The following SLC6A4 variants were observed in gnomAD, a reference collection of about 807,000 sequenced individuals.
SLC6A4 encodes the protein solute carrier family 6 member 4, also known as sodium-dependent serotonin transporter.
SLC6A4 carries 22 observed loss-of-function variants against 73.4 expected under a neutral mutation model. The observed-to-expected ratio is 0.30, with a 90% CI of 0.21 to 0.43. The LOEUF is 0.43. Among genes scored for constraint, SLC6A4 ranks in the 20% least tolerant of loss-of-function variants. SLC6A4 has a pLI of 1.00. For missense variants in SLC6A4, 593 were observed against 808.5 expected, an observed-to-expected ratio of 0.73 and a Z score of 3.23; for synonymous variants, 270 against 315.5, an observed-to-expected ratio of 0.86 and a Z score of 1.53.
intron 12 of SLC6A4, among the ~76,000 whole-genome samples, chr17:30,208,921 C>T (rs56124265): frequency 0.025 from 3,720 of 150,704 alleles, 68 homozygotes; most frequent in Non-Finnish European, 0.041. Flanking sequence ...AGGCTGGTCT[C>T]GAACTCCTGA....
intron 1 of SLC6A4, among the ~76,000 whole-genome samples, chr17:30,226,022 T>C (rs992458085): frequency 4.6e-5 from 7 of 152,226 alleles, no homozygotes; most frequent in African/African-American, 1.4e-4. Flanking sequence ...TGGAAATGCC[T>C]GTGACGCTCC....
At chr17:30,212,614 A>G in intron 9 of SLC6A4, 126 bp downstream of exon 9, 1 of 1,121,338 alleles carries the variant, frequency 8.9e-7, no homozygotes. Context: ...GAACTCCACC[A>G]TGCCCAGCCT....
At chr17:30,222,734 G>A in intron 2 of SLC6A4, 85 bp downstream of exon 2, 1 of 1,175,752 alleles carries the variant, frequency 8.5e-7, no homozygotes, top group Non-Finnish European at 1.1e-6. Context: ...CTCCGGCTGT[G>A]TCCAGTCTAT....
chr17:30,218,963 G>T (rs1906666578), intron 3 of SLC6A4, 32 bp from the exon 4 acceptor site: 8 of 1,612,462 alleles, frequency 5.0e-6, no homozygotes, highest in Non-Finnish European at 6.8e-6. Context: ...TTCACTCCCT[G>T]CCCACGTCTG....
intron 6 of SLC6A4, 42 bp from the exon 7 acceptor site, chr17:30,216,258 GGA>G: frequency 1.1e-6 from 1 of 881,280 alleles, no homozygotes; most frequent in South Asian, 2.1e-5. Context: ...TCCAGGGAGG[GGA>G]GGGGAGGGGA....
At chr17:30,220,485 G>C (rs1015503045) in intron 3 of SLC6A4, among the ~76,000 whole-genome samples, 1 of 152,194 alleles carries the variant, frequency 6.6e-6, no homozygotes, top group Non-Finnish European at 1.5e-5. Context: ...AGGGCCTCTG[G>C]CCTCAAAAAT....
chr17:30,221,413 G>A (rs913964149), intron 3 of SLC6A4, among the ~76,000 whole-genome samples: 5 of 120,976 alleles, frequency 4.1e-5, no homozygotes, highest in Non-Finnish European at 9.4e-5. Flanking sequence ...CAGCCCACCC[G>A]GGTCACAGCC....
At chr17:30,204,910 G>T (rs963404355) in intron 13 of SLC6A4, among the ~76,000 whole-genome samples, 1 of 152,160 alleles carries the variant, frequency 6.6e-6, no homozygotes, top group Non-Finnish European at 1.5e-5. Flanking sequence ...TGTGCATCAA[G>T]AGTGTACCCA....
chr17:30,209,432 G>A (rs972090338), intron 11 of SLC6A4, among the ~76,000 whole-genome samples, 190 bp from the exon 12 acceptor site: 31 of 152,178 alleles, frequency 2.0e-4, no homozygotes, highest in Non-Finnish European at 3.2e-4. Flanking sequence ...AGCACTTTGG[G>A]AGGCTGAGGC....
rs1288916493 is a variant in SLC6A4, at chr17:30,197,095, AT to A, written c.*1360del. ...CTCAAAATTCTGATAAGGAATTCCC[AT>A]GCTGCAAATATTAATTTGCTCCTCT... On this transcript the variant is annotated 3_prime_UTR_variant, in exon 15 of 15. Coordinates refer to ENST00000650711, the MANE Select transcript of SLC6A4 (RefSeq NM_001045.6). The A allele has an allele frequency of 6.6e-6, 1 of 152,382 alleles. No individual in the cohort carries two copies. Among genetic ancestry groups the A allele is most frequent in the Non-Finnish European group, 1.5e-5 (1 of 68,050 alleles). 9.4% of individuals were successfully genotyped at this position (152,382 alleles called of 1,614,324 possible).
chr17:30,196,543 A>G lies in SLC6A4; in HGVS notation c.*1913T>C, dbSNP rs961236447. The G allele has an allele frequency of 6.6e-6, 1 of 152,496 alleles. No homozygotes were observed. Among genetic ancestry groups the G allele is most frequent in the African/African-American group, 2.4e-5 (1 of 41,578 alleles). The allele number at this position is 152,496 out of a possible 1,614,324, so 9.4% of individuals were successfully genotyped here. A position where few individuals can be genotyped will look rare whatever the true frequency, so the allele number is the denominator to read the frequency against. ...AATCCATATCCGAATATCTTCATAAAGCAAGTTCTTAAAATTTGCAAAGCT... is the reference window on the plus strand; with the variant it reads ...AATCCATATCCGAATATCTTCATAAGGCAAGTTCTTAAAATTTGCAAAGCT... On this transcript the variant is annotated 3_prime_UTR_variant, in exon 15 of 15. Transcript: ENST00000650711.
At chr17:30,212,270 A>G (rs1245065059) in intron 9 of SLC6A4, among the ~76,000 whole-genome samples, 1 of 152,226 alleles carries the variant, frequency 6.6e-6, no homozygotes, top group Non-Finnish European at 1.5e-5. Context: ...CAGAGTCATC[A>G]TTTCAAGCCC....
In SLC6A4 at chr17:30,219,364, G is replaced by A. The variant is rs557235626; in HGVS notation, c.344-433C>T. ...GGGTCTACCCCAGACCTCCTGAAGC[G>A]GAATCTCCAAGCATGGGCACAACAC... On this transcript the variant is annotated intron_variant, in intron 3 of 14. Coordinates refer to ENST00000650711, the MANE Select transcript of SLC6A4 (RefSeq NM_001045.6). Among the ~76,000 whole-genome samples the A allele has an allele frequency of 3.3e-5, 5 of 152,256 alleles. No homozygotes were observed. The East Asian group carries it at 5.8e-4, about 18-fold the overall frequency.
intron 1 of SLC6A4, among the ~76,000 whole-genome samples, chr17:30,226,878 A>AAAAAAAGAAAG (rs754839808): frequency 2.5e-5 from 3 of 120,524 alleles, no homozygotes; most frequent in Non-Finnish European, 5.5e-5. Flanking sequence ...GTCTCAAAAA[A>AAAAAAAGAAAG]AAAAGAAAAA....
chr17:30,212,914 G>A lies in SLC6A4; in HGVS notation c.1077-47C>T, dbSNP rs747440311. 3 of 1,606,590 alleles carry A rather than the reference G, an allele frequency of 1.9e-6. No individual in the cohort carries two copies. In the South Asian group the frequency reaches 3.3e-5, roughly 18 times the overall value. ...GCCGCCTGAGACAGTTCCAAGATCA[G>A]GGGTCTAAGGAGCATCTGTCCGTGT... is the stretch of plus-strand genomic sequence containing the variant. On this transcript the variant is annotated intron_variant, in intron 8 of 14. Coordinates refer to ENST00000650711, the MANE Select transcript of SLC6A4 (RefSeq NM_001045.6).
intron 13 of SLC6A4, among the ~76,000 whole-genome samples, chr17:30,204,973 T>C (rs528229917): frequency 4.6e-5 from 7 of 152,286 alleles, no homozygotes; most frequent in East Asian, 1.9e-4. Flanking sequence ...CCAGGGCACA[T>C]GGAGGCACTC....
Position 30,221,860 on chromosome 17 carries a change from G to A in SLC6A4, c.99C>T (p.Thr33=), listed in dbSNP as rs1906773098. The change falls in exon 3 of 15, where the codon ACC becomes ACT. Residue 33 remains threonine (T), a synonymous_variant. Transcript: ENST00000650711. ...ENGVLQKVVP[T]PGDKVESGQI... ...GCCCGGACTCCACTTTGTCCCCTGG[G>A]GTGGGAACAACCTTCTGTAGAACTC... The A allele has an allele frequency of 6.2e-7, 1 of 1,613,990 alleles. No homozygotes were observed. Among genetic ancestry groups the A allele is most frequent in the African/African-American group, 1.3e-5 (1 of 74,878 alleles).
chr17:30,208,100 A>AC (rs1906264652), intron 12 of SLC6A4, among the ~76,000 whole-genome samples: 1 of 152,208 alleles, frequency 6.6e-6, no homozygotes, highest in Admixed American at 6.5e-5. Flanking sequence ...GACTCTTTCT[A>AC]CATAGGGTGG....
chr17:30,212,779 T>C lies in SLC6A4; in HGVS notation c.1165A>G (p.Met389Val), dbSNP rs200983126. 1 of 1,614,164 alleles carries C rather than the reference T, an allele frequency of 6.2e-7. No homozygotes were observed. Among genetic ancestry groups the C allele is most frequent in the Non-Finnish European group, 8.5e-7 (1 of 1,180,026 alleles). Residue 389 changes from methionine (M) to valine (V), a missense_variant, in exon 9 of 15, where the codon ATG becomes GTG. Transcript: ENST00000650711. Reference protein sequence around the residue: ...IFTVLGYMAEMRNEDVSEVAK... With the variant: ...IFTVLGYMAEVRNEDVSEVAK... ...ACCTCAGACACATCTTCATTCCTCA[T>C]CTCAGCCATGTAACCGAGCACTGTG...
Sources: allele counts gnomAD v4.1 joint callset (sites outside exome capture counted in the v4.1 genomes callset), GRCh38; gene constraint gnomAD v4.1.1; transcripts MANE v1.5; gene names NCBI Gene and HGNC (gene_info 2026-07-23, HGNC 2026-07-21).